Variants in FOXO3 observed in about 807,000 individuals in gnomAD.
FOXO3 encodes the protein forkhead box O3, also known as forkhead box protein O3.
Under a neutral mutation model 41.9 loss-of-function variants are expected in FOXO3, and 4 were observed. The observed-to-expected ratio is 0.10, with a 90% CI of 0.05 to 0.22. The LOEUF is 0.22. FOXO3 is among the 10% of genes least tolerant of loss of function. FOXO3 has a pLI of 1.00. For missense variants in FOXO3, 534 were observed against 906.8 expected, an observed-to-expected ratio of 0.59 and a Z score of 5.28; for synonymous variants, 318 against 389.3, an observed-to-expected ratio of 0.82 and a Z score of 2.16.
intron 1 of FOXO3, among the ~76,000 whole-genome samples, chr6:108,631,548 G>C (rs1777973622): frequency 6.6e-6 from 1 of 152,104 alleles, no homozygotes; most frequent in African/African-American, 2.4e-5. Flanking sequence ...GGTTTTTTCT[G>C]CTTTCTCAAT....
chr6:108,563,105 A>C (rs1775860924), intron 1 of FOXO3, among the ~76,000 whole-genome samples: 3 of 152,282 alleles, frequency 2.0e-5, no homozygotes, highest in Middle Eastern at 6.8e-3. Context: ...TATAAAAATA[A>C]GAACAGTTTA....
intron 1 of FOXO3, among the ~76,000 whole-genome samples, chr6:108,570,556 G>C (rs1450641993): frequency 6.6e-6 from 1 of 152,062 alleles, no homozygotes; most frequent in African/African-American, 2.4e-5. Flanking sequence ...TCAAACTCCT[G>C]GGTTCAAGCG....
chr6:108,649,008 TAAAA>T (rs10612637), intron 1 of FOXO3, among the ~76,000 whole-genome samples: 9 of 79,104 alleles, frequency 1.1e-4, no homozygotes, highest in African/African-American at 2.7e-4. Context: ...ACCTATCTCT[TAAAA>T]AAAAAAAAAA....
At position 108,593,754 on chromosome 6, in the gene FOXO3, T is replaced by C. The variant is rs192458434; in HGVS notation, c.621+31925T>C. Among the ~76,000 whole-genome samples the C allele has an allele frequency of 2.4e-3, 329 of 138,184 alleles. 1 individual carries two copies. Among genetic ancestry groups the C allele is most frequent in the African/African-American group, 8.7e-3 (313 of 35,986 alleles). 90.7% of individuals were successfully genotyped at this position (138,184 alleles called of 152,430 possible). On this transcript the variant is annotated intron_variant, in intron 1 of 2. Transcript: ENST00000406360. ...TTTTTTGAGATGTAGTCTCGCCCTG[T>C]CACCCAGTCTGGAGTGCAGTGGCTC... is the stretch of plus-strand genomic sequence containing the variant.
intron 1 of FOXO3, among the ~76,000 whole-genome samples, chr6:108,586,248 G>A (rs1776577105): frequency 6.6e-6 from 1 of 152,156 alleles, no homozygotes; most frequent in African/African-American, 2.4e-5. Context: ...TTTCATAGCA[G>A]CTGGAGCAAA....
At chr6:108,567,367 C>G (rs550902348) in intron 1 of FOXO3, among the ~76,000 whole-genome samples, 3 of 152,154 alleles carry the variant, frequency 2.0e-5, no homozygotes, top group Non-Finnish European at 4.4e-5. Context: ...TTAGATAGAG[C>G]ACATCTTTGG....
At chr6:108,623,630 A>G (rs1777732738) in intron 1 of FOXO3, among the ~76,000 whole-genome samples, 1 of 152,198 alleles carries the variant, frequency 6.6e-6, no homozygotes. Flanking sequence ...AGGCAAAGGA[A>G]TACACCCCTT....
chr6:108,631,412 C>G (rs1386775254), intron 1 of FOXO3, among the ~76,000 whole-genome samples: 1 of 152,104 alleles, frequency 6.6e-6, no homozygotes, highest in Non-Finnish European at 1.5e-5. Context: ...TTGGTCATTT[C>G]CACCTCTGGT....
At position 108,561,154 on chromosome 6, in the gene FOXO3, C is replaced by G. The variant is rs1027032675; in HGVS notation, c.-55C>G. On this transcript the variant is annotated 5_prime_UTR_variant, in exon 1 of 3. Transcript: ENST00000406360. ...ACGTCCCTCCCCCGCTGCACCCCGC[C>G]CCGGCGCGAGAGGAGAGCGCGAGAG... The G allele has an allele frequency of 1.6e-5, 24 of 1,497,450 alleles. No individual in the cohort carries two copies. The highest frequency in any genetic ancestry group is 2.1e-5 in the Admixed American group (1 of 46,648). 92.8% of individuals were successfully genotyped at this position (1,497,450 alleles called of 1,614,324 possible). A position where few individuals can be genotyped will look rare whatever the true frequency, so the allele number is the denominator to read the frequency against.
chr6:108,566,224 G>A (rs944373192), intron 1 of FOXO3, among the ~76,000 whole-genome samples: 5 of 152,166 alleles, frequency 3.3e-5, no homozygotes, highest in Non-Finnish European at 5.9e-5. Context: ...GAAGCTAAGT[G>A]TGTGTTTTGA....
At position 108,560,942 on chromosome 6, in the gene FOXO3, G is replaced by C. The variant is rs912635863; in HGVS notation, c.-267G>C. On this transcript the variant is annotated 5_prime_UTR_variant, in exon 1 of 3. Transcript: ENST00000406360. ...GGTGTCTGCTGCGCCAGGTTCGCTG[G>C]CCGCACGTCTTCAGGTCCTCCTGTT... 3.9e-5 allele frequency: 51 copies of C among 1,299,098 alleles called. No homozygotes were observed. Among genetic ancestry groups the C allele is most frequent in the Non-Finnish European group, 4.8e-5 (49 of 1,026,448 alleles). The allele number at this position is 1,299,098 out of a possible 1,614,324, so 80.5% of individuals were successfully genotyped here.
At chr6:108,573,109 AC>A (rs1317165951) in intron 1 of FOXO3, among the ~76,000 whole-genome samples, 1 of 151,994 alleles carries the variant, frequency 6.6e-6, no homozygotes, top group Non-Finnish European at 1.5e-5. Flanking sequence ...ACACGGTGAA[AC>A]CCCATCTCTA....
intron 1 of FOXO3, among the ~76,000 whole-genome samples, chr6:108,571,064 G>A (rs1776086200): frequency 6.6e-6 from 1 of 152,174 alleles, no homozygotes; most frequent in South Asian, 2.1e-4. Flanking sequence ...TTACAGAGTA[G>A]TCACGTGTCT....
At chr6:108,562,287 G>C (rs1775825833) in intron 1 of FOXO3, among the ~76,000 whole-genome samples, 1 of 152,056 alleles carries the variant, frequency 6.6e-6, no homozygotes. Context: ...TCTGTCGCAG[G>C]AGCATGTTGC....
chr6:108,638,272 C>G (rs561163920), intron 1 of FOXO3, among the ~76,000 whole-genome samples: 1 of 152,310 alleles, frequency 6.6e-6, no homozygotes, highest in African/African-American at 2.4e-5. Flanking sequence ...GACCTTGTGT[C>G]CCCCTTTAAC....
At chr6:108,601,449 G>A (rs1340102183) in intron 1 of FOXO3, among the ~76,000 whole-genome samples, 5 of 151,798 alleles carry the variant, frequency 3.3e-5, no homozygotes, top group Admixed American at 1.3e-4. Flanking sequence ...GATTACAGGC[G>A]CCCACCACCT....
intron 1 of FOXO3, among the ~76,000 whole-genome samples, chr6:108,652,989 G>A (rs920587293): frequency 3.3e-5 from 5 of 152,152 alleles, no homozygotes; most frequent in Non-Finnish European, 7.3e-5. Flanking sequence ...CTATCAGTTT[G>A]CCCTTCTTTC....
At chr6:108,674,959 A>G (rs566996276) in intron 2 of FOXO3, among the ~76,000 whole-genome samples, 76 of 152,304 alleles carry the variant, frequency 5.0e-4, no homozygotes, top group African/African-American at 1.8e-3. Flanking sequence ...TCTTAAGAAA[A>G]TACTAAATCT....
intron 1 of FOXO3, among the ~76,000 whole-genome samples, chr6:108,593,441 G>A (rs1161336041): frequency 1.3e-5 from 2 of 150,912 alleles, no homozygotes; most frequent in Non-Finnish European, 2.9e-5. Flanking sequence ...GCAGTGGCAC[G>A]ATCTTAGCTC....
Sources: gnomAD v4.1 joint callset for allele counts (sites outside exome capture counted in the v4.1 genomes callset) on GRCh38, gnomAD v4.1.1 for gene constraint, MANE v1.5 for transcripts, NCBI Gene and HGNC (gene_info 2026-07-23, HGNC 2026-07-21) for gene names.